ANKIB1: variants seen among roughly 807,000 people sequenced by gnomAD.
ANKIB1 encodes the protein ankyrin repeat and IBR domain-containing protein 1.
Under a neutral mutation model 122.1 loss-of-function variants are expected in ANKIB1, and 43 were observed. The observed-to-expected ratio is 0.35, with a 90% CI of 0.28 to 0.45. The LOEUF (loss-of-function observed/expected upper bound fraction) is 0.45. Among genes scored for constraint, ANKIB1 ranks in the 20% least tolerant of loss-of-function variants. The pLI is 1.00. For synonymous variants in ANKIB1, 390 were observed against 442.0 expected, an observed-to-expected ratio of 0.88 and a Z score of 1.48; for missense variants, 992 against 1,329.5, an observed-to-expected ratio of 0.75 and a Z score of 3.95.
rs1184392588 is a variant in ANKIB1 at position 92,338,911 on chromosome 7, C to CAA, written c.788-4091_788-4090dup. On this transcript the variant is annotated intron_variant, in intron 5 of 19. Transcript: ENST00000265742. ...TGGGCGACAGAGTGAGACTCCATCT[C>CAA]AAAAAAAAAAAAAAAAAAAAAAATA... Among the ~76,000 whole-genome samples, 48 of 21,204 alleles carry CAA rather than the reference C, an allele frequency of 2.3e-3. 2 individuals carry two copies. Among genetic ancestry groups the CAA allele is most frequent in the East Asian group, 0.02 (4 of 198 alleles). The allele number at this position is 21,204 out of a possible 152,430, so 13.9% of individuals were successfully genotyped here. A position where few individuals can be genotyped will look rare whatever the true frequency, so the allele number is the denominator to read the frequency against.
chr7:92,314,434 G>T (rs563105069), intron 3 of ANKIB1, among the ~76,000 whole-genome samples: 48 of 152,288 alleles, frequency 3.2e-4, no homozygotes, highest in Middle Eastern at 3.4e-3. Flanking sequence ...TAAAAGCCTT[G>T]CTACTCAAAA....
intron 1 of ANKIB1, among the ~76,000 whole-genome samples, chr7:92,274,817 C>T (rs1474039469): frequency 6.6e-6 from 1 of 152,106 alleles, no homozygotes; most frequent in Non-Finnish European, 1.5e-5. Flanking sequence ...TAATTATCTA[C>T]ATGGGAGGCT....
chr7:92,362,363 A>T, intron 10 of ANKIB1, 90 bp downstream of exon 10: 1 of 1,243,930 alleles, frequency 8.0e-7, no homozygotes, highest in Admixed American at 2.0e-5. Context: ...TTTATTTAAG[A>T]GGTTTTCAGA....
At position 92,275,620 on chromosome 7, in the gene ANKIB1, C is replaced by G. The variant is rs377619178; in HGVS notation, c.-90-19269C>G. 3.2e-4 allele frequency among the ~76,000 whole-genome samples: 49 copies of G among 152,208 alleles called. 1 individual carries two copies. Among genetic ancestry groups the G allele is most frequent in the African/African-American group, 9.9e-4 (41 of 41,544 alleles). On this transcript the variant is annotated intron_variant, in intron 1 of 19. Coordinates refer to ENST00000265742, the MANE Select transcript of ANKIB1 (RefSeq NM_019004.2). ...CAGGAGGTGTATTAACCTGGAAAAA[C>G]TGTGCCAGAAGGACAGGGACATAGA...
At chr7:92,380,027 G>A (rs768492010) in intron 11 of ANKIB1, among the ~76,000 whole-genome samples, 6 of 152,190 alleles carry the variant, frequency 3.9e-5, no homozygotes, top group East Asian at 3.9e-4. Flanking sequence ...CGGGAAAATC[G>A]GGACACTGCC....
intron 4 of ANKIB1, among the ~76,000 whole-genome samples, 158 bp from the exon 5 acceptor site, chr7:92,327,625 C>CT (rs374733498): frequency 9.5e-5 from 14 of 146,670 alleles, no homozygotes; most frequent in Middle Eastern, 3.6e-3. Context: ...TAGACACAAC[C>CT]TTTTTTTTTT....
Position 92,246,178 on chromosome 7 carries a change from C to A in ANKIB1, c.-432C>A. On this transcript the variant is annotated 5_prime_UTR_variant, in exon 1 of 20. Transcript: ENST00000265742. ...AGGCTGGAACATGAGCCGGGCTTGA[C>A]CGCGAGGCGGAGGCAAGAGCCACCG... is the stretch of plus-strand genomic sequence containing the variant. The A allele has an allele frequency of 2.8e-6, 1 of 353,392 alleles. No individual in the cohort carries two copies. The allele number at this position is 353,392 out of a possible 1,614,324, so 21.9% of individuals were successfully genotyped here. A position where few individuals can be genotyped will look rare whatever the true frequency, so the allele number is the denominator to read the frequency against.
At chr7:92,325,729 T>A (rs1445129845) in intron 4 of ANKIB1, among the ~76,000 whole-genome samples, 2 of 152,172 alleles carry the variant, frequency 1.3e-5, no homozygotes, top group Non-Finnish European at 2.9e-5. Flanking sequence ...TTTCATAACT[T>A]CTTTATGTGA....
At chr7:92,391,059 C>T in intron 15 of ANKIB1, 107 bp from the exon 16 acceptor site, 1 of 891,158 alleles carries the variant, frequency 1.1e-6, no homozygotes, top group Middle Eastern at 2.4e-4. Context: ...TAACTAGTTT[C>T]TTACTTCAAA....
chr7:92,372,235 A>G (rs75401615), intron 11 of ANKIB1, among the ~76,000 whole-genome samples: 1 of 152,162 alleles, frequency 6.6e-6, no homozygotes, highest in Admixed American at 6.5e-5. Context: ...TTGCATCTGT[A>G]TCGAACATGT....
At chr7:92,246,609 C>CCGGAT (rs1801052022) in intron 1 of ANKIB1, 90 bp downstream of exon 1, 1 of 470,648 alleles carries the variant, frequency 2.1e-6, no homozygotes, top group Non-Finnish European at 4.2e-6. Flanking sequence ...TCACACCCTC[C>CCGGAT]CGGATCTACT....
intron 10 of ANKIB1, among the ~76,000 whole-genome samples, chr7:92,369,178 A>G (rs1246788996): frequency 1.3e-5 from 2 of 152,216 alleles, no homozygotes; most frequent in Non-Finnish European, 2.9e-5. Flanking sequence ...AGCCCTAAGT[A>G]TACTAAGTTC....
At chr7:92,319,728 G>A (rs557788269) in intron 4 of ANKIB1, 349 of 498,720 alleles carry the variant, frequency 7.0e-4, no homozygotes, top group Admixed American at 9.3e-4. Flanking sequence ...CCAAGGCACC[G>A]GAGTTCTGAG....
intron 2 of ANKIB1, among the ~76,000 whole-genome samples, chr7:92,301,487 G>T (rs189034025): frequency 6.6e-6 from 1 of 151,758 alleles, no homozygotes; most frequent in African/African-American, 2.4e-5. Flanking sequence ...TGTATATCTT[G>T]TTTGGAAAAA....
At chr7:92,252,386 C>CTTT (rs34891046) in intron 1 of ANKIB1, among the ~76,000 whole-genome samples, 28 of 134,190 alleles carry the variant, frequency 2.1e-4, no homozygotes, top group African/African-American at 6.7e-4. Context: ...TAAGGTACTA[C>CTTT]TTTTTTTTTT....
intron 10 of ANKIB1, among the ~76,000 whole-genome samples, chr7:92,369,703 G>C (rs1265323583): frequency 6.6e-6 from 1 of 152,192 alleles, no homozygotes; most frequent in African/African-American, 2.4e-5. Context: ...ACAAAGCTTT[G>C]ATTAGATGGG....
At chr7:92,387,725 A>G in intron 12 of ANKIB1, 73 bp from the exon 13 acceptor site, 4 of 1,138,392 alleles carry the variant, frequency 3.5e-6, no homozygotes, top group Non-Finnish European at 5.0e-6. Flanking sequence ...AAACTTTTAA[A>G]TGATTCCCCC....
intron 10 of ANKIB1, among the ~76,000 whole-genome samples, chr7:92,363,832 G>A (rs1254474767): frequency 2.0e-5 from 3 of 152,300 alleles, no homozygotes; most frequent in Non-Finnish European, 2.9e-5. Flanking sequence ...TCTGACCCAC[G>A]GAGAAGAGAC....
rs879725999 is a variant in ANKIB1 at position 92,392,308 on chromosome 7, G to A, written c.2283+16G>A. 3 of 1,607,238 alleles carry A rather than the reference G, an allele frequency of 1.9e-6. No homozygotes were observed. The highest frequency in any genetic ancestry group is 2.7e-5 in the African/African-American group (2 of 74,586). On this transcript the variant is annotated intron_variant, in intron 17 of 19. Transcript: ENST00000265742. ...ATCACCAGAGGTAATTGTTTTATGG[G>A]GTTTTTGTTTTTGTATTTTTTCTTA...
Sources: gnomAD v4.1 joint callset for allele counts (sites outside exome capture counted in the v4.1 genomes callset) on GRCh38, gnomAD v4.1.1 for gene constraint, MANE v1.5 for transcripts, NCBI Gene and HGNC (gene_info 2026-07-23, HGNC 2026-07-21) for gene names.